Variants in FLT1 observed in about 807,000 individuals in gnomAD.
The protein encoded by FLT1 is fms related receptor tyrosine kinase 1.
In FLT1, 49 loss-of-function variants were observed where a neutral mutation model predicts 156.3. The observed-to-expected ratio is 0.31, with a 90% confidence interval of 0.25 to 0.40. The LOEUF (loss-of-function observed/expected upper bound fraction) is 0.40, where lower values mean the gene tolerates loss of function less well. Among genes scored for constraint, FLT1 ranks in the 10% least tolerant of loss-of-function variants. FLT1 has a pLI of 1.00. For synonymous variants in FLT1, 594 were observed against 583.8 expected (o/e 1.02, Z -0.25); for missense variants, 1,322 against 1,637.2 (o/e 0.81, Z 3.32).
At chr13:28,372,061 TATATATATATATATA>T (rs1445216781) in intron 14 of FLT1, among the ~76,000 whole-genome samples, 5 of 26,462 alleles carry the variant, frequency 1.9e-4, no homozygotes, top group Admixed American at 4.7e-4. Flanking sequence ...TATATATATA[TATATATATATATATA>T]TTTTTTTTTT....
intron 10 of FLT1, among the ~76,000 whole-genome samples, chr13:28,419,891 A>G (rs1769460991): frequency 6.6e-6 from 1 of 152,244 alleles, no homozygotes. Flanking sequence ...AACAAAAAAC[A>G]AAAAACATCC....
chr13:28,432,160 C>T (rs1349202021), intron 6 of FLT1, among the ~76,000 whole-genome samples: 1 of 152,010 alleles, frequency 6.6e-6, no homozygotes, highest in Non-Finnish European at 1.5e-5. Context: ...ATTTCCACCT[C>T]TCAATCCTTC....
chr13:28,443,173 T>C (rs796875900), intron 3 of FLT1, among the ~76,000 whole-genome samples: 20 of 152,298 alleles, frequency 1.3e-4, no homozygotes, highest in African/African-American at 2.9e-4. Context: ...GAAACTGGCA[T>C]AGAATATGAG....
At chr13:28,351,918 C>T (rs551472162) in intron 15 of FLT1, among the ~76,000 whole-genome samples, 1 of 152,208 alleles carries the variant, frequency 6.6e-6, no homozygotes, top group Non-Finnish European at 1.5e-5. Flanking sequence ...TTATTATATG[C>T]CAGATGCTGT....
At chr13:28,471,646 A>G (rs1302901002) in intron 1 of FLT1, among the ~76,000 whole-genome samples, 1 of 152,190 alleles carries the variant, frequency 6.6e-6, no homozygotes, top group African/African-American at 2.4e-5. Flanking sequence ...GCCCATTTAC[A>G]TAACAAACCT....
intron 18 of FLT1, among the ~76,000 whole-genome samples, chr13:28,331,271 A>C (rs1871920461): frequency 6.6e-6 from 1 of 152,246 alleles, no homozygotes; most frequent in Admixed American, 6.5e-5. Flanking sequence ...AATCCTGTGC[A>C]TGGGGTTAGG....
At chr13:28,473,835 A>AAAGGAAGGAAGG (rs59979408) in intron 1 of FLT1, among the ~76,000 whole-genome samples, 2 of 118,898 alleles carry the variant, frequency 1.7e-5, no homozygotes, top group East Asian at 2.1e-4. Flanking sequence ...AGAAAGAAAG[A>AAAGGAAGGAAGG]AAGGAAGAAA....
intron 29 of FLT1, 146 bp downstream of exon 29, chr13:28,306,532 G>C (rs1269007649): frequency 2.9e-6 from 2 of 682,478 alleles, no homozygotes; most frequent in Non-Finnish European, 2.7e-6. Flanking sequence ...TTGCCCTCTG[G>C]GGGGAAATGG....
intron 1 of FLT1, among the ~76,000 whole-genome samples, chr13:28,486,374 T>C (rs974165085): frequency 7.2e-5 from 11 of 152,152 alleles, no homozygotes; most frequent in Non-Finnish European, 1.5e-4. Context: ...CTCCAACAGA[T>C]AGAATTCAGC....
chr13:28,315,689 A>G (rs1871174790), intron 25 of FLT1, among the ~76,000 whole-genome samples: 1 of 152,232 alleles, frequency 6.6e-6, no homozygotes, highest in Non-Finnish European at 1.5e-5. Context: ...TAATAATAAC[A>G]ACTATTAGTG....
At chr13:28,486,966 A>G (rs914297390) in intron 1 of FLT1, among the ~76,000 whole-genome samples, 64 of 152,298 alleles carry the variant, frequency 4.2e-4, no homozygotes, top group African/African-American at 1.4e-3. Context: ...ACTTGTTAGA[A>G]AAGCAAATTC....
intron 10 of FLT1, among the ~76,000 whole-genome samples, chr13:28,424,260 A>T (rs933698299): frequency 7.9e-5 from 12 of 151,014 alleles, no homozygotes; most frequent in African/African-American, 2.9e-4. Context: ...TTTTTAATTA[A>T]AAAAAAAACT....
intron 1 of FLT1, 92 bp downstream of exon 1, chr13:28,494,688 C>G (rs934833113): frequency 6.2e-5 from 62 of 999,512 alleles, no homozygotes; most frequent in Non-Finnish European, 8.2e-5. Context: ...GCCTCGTCTC[C>G]CCGCGTGCAC....
intron 3 of FLT1, among the ~76,000 whole-genome samples, chr13:28,441,088 A>G (rs917139781): frequency 6.6e-6 from 1 of 152,180 alleles, no homozygotes; most frequent in Non-Finnish European, 1.5e-5. Context: ...AGATCTCAGA[A>G]GTTGGGGGAG....
intron 27 of FLT1, 32 bp from the exon 28 acceptor site, chr13:28,308,959 A>T (rs377496044): frequency 4.9e-5 from 65 of 1,324,816 alleles, no homozygotes; most frequent in Non-Finnish European, 6.7e-5. Context: ...TTATCAAGAC[A>T]GGAAAAGGCA....
At chr13:28,321,381 G>A (rs1173870673) in intron 23 of FLT1, 82 bp downstream of exon 23, 17 of 1,503,586 alleles carry the variant, frequency 1.1e-5, no homozygotes, top group Non-Finnish European at 3.7e-6. Context: ...GACTACAGCT[G>A]AGGAAGTGTA....
intron 1 of FLT1, among the ~76,000 whole-genome samples, chr13:28,474,452 AAAAACAAAAC>A (rs200005773): frequency 1.3e-5 from 2 of 148,404 alleles, no homozygotes; most frequent in Admixed American, 7.0e-5. Flanking sequence ...ACTCTGTCTC[AAAAACAAAAC>A]AAAACAAAAC....
intron 14 of FLT1, among the ~76,000 whole-genome samples, chr13:28,372,068 A>AT (rs1873613378): frequency 4.9e-5 from 1 of 20,214 alleles, no homozygotes; most frequent in Non-Finnish European, 1.1e-4. Flanking sequence ...ATATATATAT[A>AT]TATATATATT....
chr13:28,443,738 C>T (rs1314345204), intron 3 of FLT1, among the ~76,000 whole-genome samples: 2 of 151,914 alleles, frequency 1.3e-5, no homozygotes, highest in Non-Finnish European at 2.9e-5. Flanking sequence ...TATTGTGGAC[C>T]GTAAGTAATA....
Sources: allele counts gnomAD v4.1 joint callset (sites outside exome capture counted in the v4.1 genomes callset), GRCh38; gene constraint gnomAD v4.1.1; transcripts MANE v1.5; gene names NCBI Gene and HGNC (gene_info 2026-07-23, HGNC 2026-07-21).